AK9: variants seen among roughly 807,000 people sequenced by gnomAD.
AK9 encodes adenylate kinase 9, also known as adenylate kinase domain containing 1.
AK9 carries 191 observed loss-of-function variants against 239.6 expected under a neutral mutation model. That is an observed-to-expected ratio of 0.80 (90% CI 0.71 to 0.90). The LOEUF is 0.90. AK9 is among the 40% of genes least tolerant of loss of function. AK9 has a pLI of 0.00. For missense variants in AK9, 1,995 were observed against 2,214.7 expected, an observed-to-expected ratio of 0.90 and a Z score of 1.99; for synonymous variants, 689 against 721.0, an observed-to-expected ratio of 0.96 and a Z score of 0.71.
chr6:109,496,234 G>T (rs186315502), intron 38 of AK9, among the ~76,000 whole-genome samples: 49 of 152,328 alleles, frequency 3.2e-4, no homozygotes, highest in Admixed American at 7.2e-4. Flanking sequence ...GCTTCTTCCA[G>T]CAGTAGATGG....
At chr6:109,624,011 A>C (rs1185062939) in intron 12 of AK9, among the ~76,000 whole-genome samples, 1 of 151,754 alleles carries the variant, frequency 6.6e-6, no homozygotes, top group Non-Finnish European at 1.5e-5. Context: ...AATTACTCAC[A>C]ATTACGTAGA....
intron 13 of AK9, among the ~76,000 whole-genome samples, chr6:109,615,066 T>C (rs1022787256): frequency 2.6e-5 from 4 of 152,226 alleles, no homozygotes; most frequent in Admixed American, 2.0e-4. Flanking sequence ...TATAATTTAA[T>C]GTGAAAGAAA....
At chr6:109,627,140 T>A (rs111255494) in intron 12 of AK9, among the ~76,000 whole-genome samples, 29 of 142,644 alleles carry the variant, frequency 2.0e-4, no homozygotes, top group African/African-American at 7.5e-4. Context: ...AAGCTTTTTT[T>A]TTTTTTTTTT....
In AK9 at chr6:109,517,393, T is replaced by A. The variant is rs1270374674; in HGVS notation, c.3634-751A>T. On this transcript the variant is annotated intron_variant, in intron 29 of 40. Transcript: ENST00000424296. ...CCCATAAATAAATACAGAGACAAAA[T>A]ATTAAATGTTATTTATGTCTATGAT... Among the ~76,000 whole-genome samples, 4 of 152,216 alleles carry A rather than the reference T, an allele frequency of 2.6e-5. No individual in the cohort carries two copies. The East Asian group carries it at 7.7e-4, about 29-fold the overall frequency.
rs565792539 is a variant in AK9 at position 109,567,796 on chromosome 6, T to C, written c.2345-2951A>G. Among the ~76,000 whole-genome samples the C allele has an allele frequency of 5.2e-3, 761 of 147,648 alleles. 11 individuals are homozygous for C. Among genetic ancestry groups the C allele is most frequent in the African/African-American group, 0.018 (724 of 39,896 alleles). ...ATACCTAATGCAAATGACGAGTTAATGGGTGCAGCACACCAACATGGCACA... is the reference window on the plus strand; with the variant it reads ...ATACCTAATGCAAATGACGAGTTAACGGGTGCAGCACACCAACATGGCACA... On this transcript the variant is annotated intron_variant, in intron 21 of 40. Transcript: ENST00000424296.
chr6:109,601,990 C>T (rs1303508797), intron 17 of AK9, among the ~76,000 whole-genome samples: 1 of 152,178 alleles, frequency 6.6e-6, no homozygotes, highest in Admixed American at 6.5e-5. Context: ...AGATGGGTCT[C>T]CTGAATACAG....
chr6:109,493,619 G>C, intron 40 of AK9, 48 bp from the exon 41 acceptor site: 1 of 1,511,062 alleles, frequency 6.6e-7, no homozygotes, highest in South Asian at 1.2e-5. Flanking sequence ...TAGTTAGTGA[G>C]TCATTAAATG....
intron 9 of AK9, chr6:109,644,368 T>C (rs1421460210): frequency 2.8e-6 from 1 of 356,300 alleles, no homozygotes; most frequent in Non-Finnish European, 5.0e-6. Flanking sequence ...GTGCTTTTGG[T>C]TACCATTGCT....
chr6:109,546,477 A>G (rs886699359), intron 25 of AK9, among the ~76,000 whole-genome samples: 3 of 152,218 alleles, frequency 2.0e-5, no homozygotes, highest in Admixed American at 1.3e-4. Context: ...AATCTATCAA[A>G]CAGAAAGCCC....
At chr6:109,585,480 T>C (rs1789388680) in intron 18 of AK9, among the ~76,000 whole-genome samples, 1 of 152,102 alleles carries the variant, frequency 6.6e-6, no homozygotes. Context: ...ATATTATATT[T>C]TTCCCCTGGC....
chr6:109,539,571 G>C (rs1223024645), intron 27 of AK9, among the ~76,000 whole-genome samples: 1 of 152,126 alleles, frequency 6.6e-6, no homozygotes, highest in Non-Finnish European at 1.5e-5. Context: ...GCTCGGAGAA[G>C]TTTGATCATC....
chr6:109,690,666 TTTATAA>T (rs1167804091), intron 1 of AK9: 9 of 152,344 alleles, frequency 5.9e-5, no homozygotes, highest in East Asian at 3.9e-4. Flanking sequence ...TAATTTGGCA[TTTATAA>T]TTATAATACA....
chr6:109,603,120 T>C (rs1300057538), intron 17 of AK9, among the ~76,000 whole-genome samples: 1 of 152,256 alleles, frequency 6.6e-6, no homozygotes, highest in African/African-American at 2.4e-5. Flanking sequence ...GGCAAGGAGC[T>C]GCATCCCTTT....
chr6:109,690,058 A>T (rs1257565150), intron 1 of AK9, among the ~76,000 whole-genome samples: 1 of 152,360 alleles, frequency 6.6e-6, no homozygotes, highest in Admixed American at 6.5e-5. Context: ...GTAATTTCTC[A>T]AATTTTAATT....
At chr6:109,556,671 A>C (rs1232536835) in intron 24 of AK9, among the ~76,000 whole-genome samples, 1 of 151,812 alleles carries the variant, frequency 6.6e-6, no homozygotes, top group African/African-American at 2.4e-5. Flanking sequence ...TCTTTTTATG[A>C]AGTCCCATAT....
chr6:109,626,372 C>A (rs893113985), intron 12 of AK9, among the ~76,000 whole-genome samples: 7 of 152,074 alleles, frequency 4.6e-5, no homozygotes, highest in African/African-American at 1.7e-4. Flanking sequence ...TGTCTTGTAA[C>A]GTTTCATTAC....
rs536741499 is a variant in AK9, at chr6:109,564,451, A to G, written c.2435-171T>C. Among the ~76,000 whole-genome samples, 6 of 152,264 alleles carry G rather than the reference A, an allele frequency of 3.9e-5. 1 individual carries two copies. In the South Asian group the frequency reaches 1.2e-3, roughly 32 times the overall value. On this transcript the variant is annotated intron_variant, in intron 22 of 40. Coordinates refer to ENST00000424296, the MANE Select transcript of AK9 (RefSeq NM_001145128.3). The stretch of plus-strand genomic sequence containing the variant: ...TAATTTAATTATGCTTTGTTCTTAT[A>G]TTTGCTGTAGATATATATTTACCTG...
chr6:109,534,292 T>A (rs367939662), intron 27 of AK9, among the ~76,000 whole-genome samples: 3 of 149,864 alleles, frequency 2.0e-5, no homozygotes, highest in African/African-American at 7.3e-5. Flanking sequence ...TTTTAATTTA[T>A]TTTATTTTAT....
chr6:109,562,245 C>T (rs544624798), intron 24 of AK9, among the ~76,000 whole-genome samples: 6 of 152,168 alleles, frequency 3.9e-5, no homozygotes, highest in South Asian at 2.1e-4. Context: ...TGTTTCATTT[C>T]GGATAGTTTC....
Sources: gnomAD v4.1 joint callset for allele counts (sites outside exome capture counted in the v4.1 genomes callset) on GRCh38, gnomAD v4.1.1 for gene constraint, MANE v1.5 for transcripts, NCBI Gene and HGNC (gene_info 2026-07-23, HGNC 2026-07-21) for gene names.